Variants in ZNF423 observed in about 807,000 individuals in gnomAD.
The protein encoded by ZNF423 is zinc finger protein 423.
In ZNF423, 12 loss-of-function variants were observed where a neutral mutation model predicts 95.8. The ratio of observed to expected loss-of-function variants is 0.13; its 90% CI spans 0.08 to 0.20. ZNF423 has a LOEUF of 0.20. Ranked by LOEUF, ZNF423 falls within the 10% of genes least tolerant of loss-of-function variation. ZNF423 has a pLI of 1.00. For synonymous variants in ZNF423, 749 were observed against 711.9 expected, an observed-to-expected ratio of 1.05 and a Z score of -0.83; for missense variants, 1,316 against 1,737.1, an observed-to-expected ratio of 0.76 and a Z score of 4.31.
intron 7 of ZNF423, among the ~76,000 whole-genome samples, chr16:49,503,378 C>A (rs1287486378): frequency 2.6e-5 from 4 of 152,184 alleles, no homozygotes; most frequent in African/African-American, 9.7e-5. Flanking sequence ...ACACCCGGAA[C>A]ACATCCGGAC....
intron 1 of ZNF423, among the ~76,000 whole-genome samples, chr16:49,844,027 C>T (rs908628347): frequency 6.6e-6 from 1 of 151,720 alleles, no homozygotes; most frequent in Non-Finnish European, 1.5e-5. Flanking sequence ...GGCACAGAGG[C>T]GTATGCCTGT....
At chr16:49,633,787 C>G (rs865903321) in intron 4 of ZNF423, among the ~76,000 whole-genome samples, 1 of 152,160 alleles carries the variant, frequency 6.6e-6, no homozygotes, top group Non-Finnish European at 1.5e-5. Context: ...GACAAAGGGT[C>G]CTGAGAGGGT....
chr16:49,727,179 A>G (rs1241765045), intron 3 of ZNF423, among the ~76,000 whole-genome samples: 2 of 152,210 alleles, frequency 1.3e-5, no homozygotes, highest in Non-Finnish European at 2.9e-5. Flanking sequence ...AGAGAGAGGA[A>G]CAGGACTTGA....
chr16:49,841,756 C>T (rs1373940466), intron 1 of ZNF423, among the ~76,000 whole-genome samples: 1 of 152,218 alleles, frequency 6.6e-6, no homozygotes, highest in African/African-American at 2.4e-5. Context: ...GAGGACGTGG[C>T]CTCCTCTGCG....
chr16:49,590,712 C>T (rs1428377164), intron 5 of ZNF423, among the ~76,000 whole-genome samples: 1 of 152,130 alleles, frequency 6.6e-6, no homozygotes, highest in Admixed American at 6.5e-5. Context: ...CCCCAGCGTC[C>T]CCCGCCTGCT....
intron 5 of ZNF423, among the ~76,000 whole-genome samples, chr16:49,593,654 T>C (rs968921759): frequency 2.0e-5 from 3 of 152,018 alleles, no homozygotes; most frequent in Admixed American, 1.3e-4. Context: ...CCTTTGTTTC[T>C]CCATCTGTAT....
chr16:49,634,646 A>G (rs2151878999), intron 4 of ZNF423, among the ~76,000 whole-genome samples: 1 of 152,298 alleles, frequency 6.6e-6, no homozygotes, highest in South Asian at 2.1e-4. Context: ...CTCCCTGCCA[A>G]TGGTGCCAGC....
chr16:49,636,499 T>C lies in ZNF423; in HGVS notation c.2677A>G (p.Met893Val), dbSNP rs774596870. The change falls in exon 4 of 8, where the codon ATG becomes GTG. Residue 893 changes from methionine to valine, a missense_variant. Coordinates refer to ENST00000563137, the MANE Select transcript of ZNF423 (RefSeq NM_001379286.1). This position sits in a 1 kb window ranked among gnomAD's most constrained non-coding sequence, Gnocchi z 8.6. Reference sequence around the variant, plus strand: ...GCCCCACAGATGTCACAGCCGTACATGGGCTCCGACGCGTCCACGTCATCC... The same window carrying C: ...GCCCCACAGATGTCACAGCCGTACACGGGCTCCGACGCGTCCACGTCATCC... The part of the protein sequence containing the change: ...SEDDVDASEP[M>V]YGCDICGAAY... 1.2e-6 allele frequency: 2 copies of C among 1,613,732 alleles called. No individual in the cohort carries two copies. The highest frequency in any genetic ancestry group is 1.7e-6 in the Non-Finnish European group (2 of 1,180,016).
intron 2 of ZNF423, among the ~76,000 whole-genome samples, chr16:49,737,533 T>G (rs2033315651): frequency 1.3e-5 from 2 of 152,220 alleles, no homozygotes; most frequent in African/African-American, 4.8e-5. Flanking sequence ...GTGCTGGGAA[T>G]ACAGGTGTGA....
chr16:49,856,750 G>T (rs888847399), upstream of ZNF423, among the ~76,000 whole-genome samples: 46 of 147,862 alleles, frequency 3.1e-4, no homozygotes, highest in Non-Finnish European at 6.2e-4. Context: ...CGCTCAGCCC[G>T]TGCGCCGGGC....
At chr16:49,626,971 C>A in intron 4 of ZNF423, among the ~76,000 whole-genome samples, 2 of 91,058 alleles carry the variant, frequency 2.2e-5, no homozygotes, top group Admixed American at 9.8e-5. Flanking sequence ...TCTACCCATC[C>A]ATCCATATAC....
At chr16:49,846,787 G>A (rs939443383) in intron 1 of ZNF423, among the ~76,000 whole-genome samples, 2 of 152,172 alleles carry the variant, frequency 1.3e-5, no homozygotes, top group Admixed American at 6.5e-5. Flanking sequence ...GCCACAGGGG[G>A]TGAGGGACAA....
chr16:49,776,300 G>A (rs540068018), intron 2 of ZNF423, among the ~76,000 whole-genome samples: 49 of 152,334 alleles, frequency 3.2e-4, no homozygotes, highest in African/African-American at 1.0e-3. Context: ...TCTGGCCTGC[G>A]AGGGCCAGCC....
At chr16:49,592,943 C>T (rs1971055593) in intron 5 of ZNF423, among the ~76,000 whole-genome samples, 1 of 152,208 alleles carries the variant, frequency 6.6e-6, no homozygotes, top group Non-Finnish European at 1.5e-5. Context: ...GGAGAGACAG[C>T]TTTCGTGCGG....
Position 49,638,328 on chromosome 16 carries a change from G to A in ZNF423, c.848C>T (p.Thr283Met), listed in dbSNP as rs553506281. ...GAGCACGTGCTTCTCCAGCTCCTCC[G>A]TCTGGCTGAAGGTGTCCTCGCAGTA... ...CDYCEDTFSQ[T>M]EELEKHVLTR... Residue 283 changes from threonine (T) to methionine (M), a missense_variant, in exon 4 of 8, where the codon ACG (threonine) becomes ATG (methionine). Physicochemically the swap from Thr to Met is moderately conservative, Grantham distance 81. This residue lies in a region of ZNF423 where 399 missense variants were observed against 478.5 expected (regional missense o/e 0.83). Transcript: ENST00000563137. The surrounding 1 kb of genome is among the most constrained non-coding windows in gnomAD (Gnocchi z 5.6). 3.2e-5 allele frequency: 52 copies of A among 1,614,072 alleles called. No homozygotes were observed. Among genetic ancestry groups the A allele is most frequent in the South Asian group, 2.0e-4 (18 of 91,084 alleles).
rs113190112 is a variant in ZNF423 at position 49,603,704 on chromosome 16, C to A, written c.3601+22466G>T. Among the ~76,000 whole-genome samples, 4,014 of 152,310 alleles carry A rather than the reference C, an allele frequency of 0.026. 95 individuals are homozygous for A. Among genetic ancestry groups the A allele is most frequent in the Non-Finnish European group, 0.044 (3,009 of 68,032 alleles). On this transcript the variant is annotated intron_variant, in intron 5 of 7. Transcript: ENST00000563137. This position sits in a 1 kb window ranked among gnomAD's most constrained non-coding sequence, Gnocchi z 4.1. ...GGATTATGGGTGTAAGCCACCATGC[C>A]CGGCCTAGAAATTCTTAATAATTTT... is the stretch of plus-strand genomic sequence containing the variant.
At chr16:49,620,161 A>ACC (rs761661639) in intron 5 of ZNF423, among the ~76,000 whole-genome samples, 5 of 145,766 alleles carry the variant, frequency 3.4e-5, no homozygotes, top group African/African-American at 1.3e-4. Flanking sequence ...ACACACACAC[A>ACC]CCACACACAC....
At chr16:49,757,300 G>A (rs1202530843) in intron 2 of ZNF423, among the ~76,000 whole-genome samples, 2 of 152,094 alleles carry the variant, frequency 1.3e-5, no homozygotes, top group African/African-American at 4.8e-5. Flanking sequence ...GCTTAAAACT[G>A]GCTACACCGA....
chr16:49,799,725 G>A (rs2034552841), intron 1 of ZNF423, among the ~76,000 whole-genome samples: 1 of 152,206 alleles, frequency 6.6e-6, no homozygotes, highest in African/African-American at 2.4e-5. Context: ...AAAACATGAT[G>A]ATGATGATGA....
Sources: allele counts gnomAD v4.1 joint callset (sites outside exome capture counted in the v4.1 genomes callset), GRCh38; gene constraint gnomAD v4.1.1; regional missense constraint gnomAD v4.1.1; non-coding constraint Gnocchi (gnomAD v3.1); transcripts MANE v1.5; gene names NCBI Gene and HGNC (gene_info 2026-07-23, HGNC 2026-07-21).